SAMD4A: variants seen among roughly 807,000 people sequenced by gnomAD.
SAMD4A encodes protein Smaug homolog 1.
Under a neutral mutation model 81.3 loss-of-function variants are expected in SAMD4A, and 33 were observed. That is an observed-to-expected ratio of 0.41 (90% CI 0.31 to 0.54). The LOEUF (loss-of-function observed/expected upper bound fraction) is 0.54. SAMD4A is among the 20% of genes least tolerant of loss of function. The pLI, the probability that SAMD4A is intolerant of heterozygous loss-of-function variation, is 0.37. For synonymous variants in SAMD4A, 389 were observed against 382.1 expected (o/e 1.02, Z -0.21); for missense variants, 854 against 951.1 (o/e 0.90, Z 1.34).
chr14:54,601,882 C>T (rs777354148), intron 2 of SAMD4A, among the ~76,000 whole-genome samples: 4 of 152,124 alleles, frequency 2.6e-5, no homozygotes, highest in Non-Finnish European at 5.9e-5. Context: ...TGTAAAACTA[C>T]AGTCTGGCTA....
chr14:54,730,096 A>G (rs1217664819), intron 3 of SAMD4A, among the ~76,000 whole-genome samples: 2 of 152,188 alleles, frequency 1.3e-5, no homozygotes, highest in African/African-American at 2.4e-5. Context: ...TAAAAGCTCA[A>G]ATGTTTAAGT....
intron 3 of SAMD4A, among the ~76,000 whole-genome samples, chr14:54,735,369 T>A (rs1213513954): frequency 6.6e-6 from 1 of 152,222 alleles, no homozygotes; most frequent in Non-Finnish European, 1.5e-5. Flanking sequence ...AGTGTCGATA[T>A]TTTTTAAACA....
chr14:54,677,725 T>A lies in SAMD4A; in HGVS notation c.197-24337T>A, dbSNP rs537677827. ...ATTGTTCCTCTCCATAACCCACACA[T>A]TCTCGAATACCACAATATTGTTTTA... is the stretch of plus-strand genomic sequence containing the variant. On this transcript the variant is annotated intron_variant, in intron 2 of 12. Transcript: ENST00000554335. 3.1e-3 allele frequency among the ~76,000 whole-genome samples: 473 copies of A among 152,320 alleles called. 23 individuals are homozygous for A. The South Asian group carries it at 0.094, about 30-fold the overall frequency.
Position 54,696,241 on chromosome 14 carries a change from T to G in SAMD4A, c.197-5821T>G, listed in dbSNP as rs1056902273. Reference sequence around the variant, plus strand: ...CCATGTTGGTATTTTTGCCCTGATTTTTCAGGTGCCCTGGGCTGAAAAATA... The same window carrying G: ...CCATGTTGGTATTTTTGCCCTGATTGTTCAGGTGCCCTGGGCTGAAAAATA... On this transcript the variant is annotated intron_variant, in intron 2 of 12. Transcript: ENST00000554335. 3.3e-5 allele frequency among the ~76,000 whole-genome samples: 5 copies of G among 152,222 alleles called. 1 individual carries two copies. Among genetic ancestry groups the G allele is most frequent in the Admixed American group, 3.3e-4 (5 of 15,282 alleles).
chr14:54,750,555 G>C (rs2038077448), intron 5 of SAMD4A, among the ~76,000 whole-genome samples: 1 of 152,192 alleles, frequency 6.6e-6, no homozygotes, highest in South Asian at 2.1e-4. Context: ...TCATTTACCT[G>C]AAGAGATGAC....
chr14:54,757,355 T>G (rs889144906), intron 6 of SAMD4A, among the ~76,000 whole-genome samples: 1 of 151,402 alleles, frequency 6.6e-6, no homozygotes, highest in African/African-American at 2.4e-5. Flanking sequence ...GTGTCCAACA[T>G]TATTCGTTAT....
intron 3 of SAMD4A, among the ~76,000 whole-genome samples, chr14:54,717,540 T>C (rs532786686): frequency 6.6e-6 from 1 of 152,194 alleles, no homozygotes; most frequent in Non-Finnish European, 1.5e-5. Context: ...AACACAATGT[T>C]ACATCCAAGT....
intron 3 of SAMD4A, among the ~76,000 whole-genome samples, chr14:54,717,452 A>C (rs1315818000): frequency 6.6e-6 from 1 of 151,996 alleles, no homozygotes; most frequent in Admixed American, 6.6e-5. Flanking sequence ...AAAAAAAAAA[A>C]AAAAGAAAGA....
chr14:54,678,433 T>TGTGTG (rs2036040355), intron 2 of SAMD4A, among the ~76,000 whole-genome samples: 5 of 81,250 alleles, frequency 6.2e-5, no homozygotes, highest in Admixed American at 1.6e-4. Context: ...CAGTCACCAT[T>TGTGTG]TGTGTGTGTG....
intron 2 of SAMD4A, among the ~76,000 whole-genome samples, chr14:54,650,813 G>A (rs114160655): frequency 0.015 from 2,341 of 152,156 alleles, 46 homozygotes; most frequent in African/African-American, 0.053. Context: ...CCAGACTCAC[G>A]GAACAGAGGC....
Position 54,578,372 on chromosome 14 carries a change from C to G in SAMD4A, c.196+10260C>G, listed in dbSNP as rs1373975677. ...CAGAGGAGAAAGAGAGAGAGAGAGA[C>G]AAGATGAGTAAATGAATGAATGAGT... On this transcript the variant is annotated intron_variant, in intron 2 of 12. Coordinates refer to ENST00000554335, the MANE Select transcript of SAMD4A (RefSeq NM_015589.6). 4.0e-5 allele frequency among the ~76,000 whole-genome samples: 6 copies of G among 151,176 alleles called. No individual in the cohort carries two copies. In the East Asian group the frequency reaches 9.8e-4, roughly 25 times the overall value.
At chr14:54,627,865 C>T (rs2034803618) in intron 2 of SAMD4A, among the ~76,000 whole-genome samples, 1 of 152,200 alleles carries the variant, frequency 6.6e-6, no homozygotes, top group African/African-American at 2.4e-5. Flanking sequence ...GACTTCCTGA[C>T]TTGCTGAATG....
chr14:54,691,342 C>A (rs1311832959), intron 2 of SAMD4A, among the ~76,000 whole-genome samples: 1 of 152,010 alleles, frequency 6.6e-6, no homozygotes, highest in Non-Finnish European at 1.5e-5. Context: ...AGCCAAGGGC[C>A]CTCATCTGAT....
At chr14:54,788,790 T>G (rs920992299) in intron 12 of SAMD4A, 126 bp from the exon 13 acceptor site, 5 of 1,123,248 alleles carry the variant, frequency 4.5e-6, no homozygotes, top group Non-Finnish European at 6.8e-6. Context: ...CGTGAACACA[T>G]GAACGTAGGT....
intron 4 of SAMD4A, among the ~76,000 whole-genome samples, chr14:54,738,663 C>A (rs2037760705): frequency 6.6e-6 from 1 of 152,182 alleles, no homozygotes; most frequent in African/African-American, 2.4e-5. Context: ...CCACTTCTGA[C>A]TTTATGCTAC....
At chr14:54,583,063 C>T (rs771343868) in intron 2 of SAMD4A, among the ~76,000 whole-genome samples, 13 of 152,168 alleles carry the variant, frequency 8.5e-5, no homozygotes, top group Non-Finnish European at 1.5e-4. Flanking sequence ...CCTGCCTCAG[C>T]CTCCCGAGTA....
chr14:54,584,041 GCCAGCTGT>G (rs1360312606), intron 2 of SAMD4A, among the ~76,000 whole-genome samples: 2 of 152,208 alleles, frequency 1.3e-5, no homozygotes, highest in East Asian at 3.9e-4. Context: ...CTAGTCTATT[GCCAGCTGT>G]CCCATAGATA....
chr14:54,748,367 A>G (rs1050831674), intron 4 of SAMD4A, among the ~76,000 whole-genome samples: 9 of 152,228 alleles, frequency 5.9e-5, no homozygotes, highest in Non-Finnish European at 1.3e-4. Flanking sequence ...TAGTCTGCTC[A>G]TGTAGCTCTA....
At chr14:54,601,181 T>G (rs1013943193) in intron 2 of SAMD4A, among the ~76,000 whole-genome samples, 1 of 152,224 alleles carries the variant, frequency 6.6e-6, no homozygotes, top group Non-Finnish European at 1.5e-5. Context: ...TAACCTATCC[T>G]GTTTCCTTTT....
Sources: gnomAD v4.1 joint callset for allele counts (sites outside exome capture counted in the v4.1 genomes callset) on GRCh38, gnomAD v4.1.1 for gene constraint, MANE v1.5 for transcripts, NCBI Gene and HGNC (gene_info 2026-07-23, HGNC 2026-07-21) for gene names.